Variants in EMB observed in about 807,000 individuals in gnomAD.
EMB encodes embigin homolog.
In EMB, 31 loss-of-function variants were observed where a neutral mutation model predicts 41.4. The observed-to-expected ratio is 0.75, with a 90% confidence interval of 0.56 to 1.01. The LOEUF (loss-of-function observed/expected upper bound fraction) is 1.01, where lower values mean the gene tolerates loss of function less well. Among genes scored for constraint, EMB ranks in the 50% least tolerant of loss-of-function variants. EMB has a pLI of 0.00. For synonymous variants in EMB, 137 were observed against 140.4 expected, an observed-to-expected ratio of 0.98 and a Z score of 0.17; for missense variants, 379 against 388.3, an observed-to-expected ratio of 0.98 and a Z score of 0.20.
At chr5:50,428,698 C>T (rs955362462) in intron 1 of EMB, 13 of 984,962 alleles carry the variant, frequency 1.3e-5, no homozygotes, top group African/African-American at 1.2e-4. Context: ...AAATGGCTGA[C>T]GGGCCAGTTT....
rs534913167 is a variant in EMB at position 50,418,601 on chromosome 5, C to T, written c.197-7218G>A. On this transcript the variant is annotated intron_variant, in intron 2 of 8. Coordinates refer to ENST00000303221, the MANE Select transcript of EMB (RefSeq NM_198449.3). ...ACTCACTCATTTAACACTTATTTACCGAACACCTACCATGTGCTTTTCATT... is the reference window on the plus strand; with the variant it reads ...ACTCACTCATTTAACACTTATTTACTGAACACCTACCATGTGCTTTTCATT... Among the ~76,000 whole-genome samples, 236 of 152,238 alleles carry T rather than the reference C, an allele frequency of 1.6e-3. 2 individuals are homozygous for T. The highest frequency in any genetic ancestry group is 6.8e-3 in the East Asian group (35 of 5,184).
chr5:50,425,011 C>T (rs1219041232), intron 2 of EMB, among the ~76,000 whole-genome samples: 1 of 152,172 alleles, frequency 6.6e-6, no homozygotes, highest in Non-Finnish European at 1.5e-5. Flanking sequence ...TGTGCATCAA[C>T]AGTCTACATA....
Position 50,438,880 on chromosome 5 carries a change from T to C in EMB, c.112+2160A>G, listed in dbSNP as rs543428301. ...TCTTATTGATTTACACCTTCATTTA[T>C]TCCACTTTCATTTGTTTCCTACCTT... On this transcript the variant is annotated intron_variant, in intron 1 of 8. Coordinates refer to ENST00000303221, the MANE Select transcript of EMB (RefSeq NM_198449.3). Among the ~76,000 whole-genome samples the C allele has an allele frequency of 1.2e-4, 19 of 152,128 alleles. No individual in the cohort carries two copies. The East Asian group carries it at 3.7e-3, about 29-fold the overall frequency.
chr5:50,421,603 T>G (rs1745524668), intron 2 of EMB, among the ~76,000 whole-genome samples: 1 of 152,102 alleles, frequency 6.6e-6, no homozygotes. Context: ...CACGTATGTT[T>G]ATTGTGGCAC....
At position 50,398,696 on chromosome 5, in the gene EMB, A is replaced by G. The variant is rs780330836; in HGVS notation, c.*577T>C. The stretch of plus-strand genomic sequence containing the variant: ...TTTTATTTATTTGCCTTAAACCAAT[A>G]TTTCCGGATAAAAGGTATATTTTTC... On this transcript the variant is annotated 3_prime_UTR_variant, in exon 9 of 9. Coordinates refer to ENST00000303221, the MANE Select transcript of EMB (RefSeq NM_198449.3). 1 of 152,038 alleles carries G rather than the reference A, an allele frequency of 6.6e-6. No individual in the cohort carries two copies. The highest frequency in any genetic ancestry group is 1.5e-5 in the Non-Finnish European group (1 of 67,970). 9.4% of individuals were successfully genotyped at this position (152,038 alleles called of 1,614,324 possible).
chr5:50,407,650 T>C (rs969426038), intron 4 of EMB, among the ~76,000 whole-genome samples: 3 of 152,052 alleles, frequency 2.0e-5, no homozygotes, highest in Non-Finnish European at 4.4e-5. Flanking sequence ...TCAGGGAACA[T>C]GACATTTGTT....
intron 1 of EMB, among the ~76,000 whole-genome samples, chr5:50,429,198 A>G (rs962330716): frequency 1.3e-5 from 2 of 152,186 alleles, no homozygotes; most frequent in African/African-American, 4.8e-5. Flanking sequence ...CTGGCCAACA[A>G]CATGGCCTAC....
At chr5:50,442,774 C>G (rs1447684798), upstream of EMB, among the ~76,000 whole-genome samples, 3 of 152,170 alleles carry the variant, frequency 2.0e-5, no homozygotes, top group Non-Finnish European at 2.9e-5. Context: ...GGACTAACTG[C>G]ACACATTTCC....
intron 2 of EMB, among the ~76,000 whole-genome samples, chr5:50,417,980 T>C (rs569540227): frequency 2.6e-5 from 4 of 152,198 alleles, no homozygotes; most frequent in Non-Finnish European, 5.9e-5. Context: ...GTAACAGAAA[T>C]TAAGGCATGT....
At chr5:50,412,990 C>G in intron 2 of EMB, among the ~76,000 whole-genome samples, 1 of 150,344 alleles carries the variant, frequency 6.7e-6, no homozygotes, top group East Asian at 2.0e-4. Context: ...CTCTACTTGT[C>G]TTTTCTTTCT....
At chr5:50,439,911 C>A (rs1222909729) in intron 1 of EMB, among the ~76,000 whole-genome samples, 1 of 152,106 alleles carries the variant, frequency 6.6e-6, no homozygotes, top group Non-Finnish European at 1.5e-5. Flanking sequence ...TTTTATTACC[C>A]TTACTGGCTG....
intron 7 of EMB, among the ~76,000 whole-genome samples, chr5:50,401,278 C>A (rs1745157937): frequency 6.6e-6 from 1 of 151,888 alleles, no homozygotes; most frequent in Non-Finnish European, 1.5e-5. Context: ...ATTTTAGCAG[C>A]CTATGTGAAT....
chr5:50,405,511 TAA>T (rs373906929), intron 5 of EMB, among the ~76,000 whole-genome samples: 211 of 152,084 alleles, frequency 1.4e-3, no homozygotes, highest in African/African-American at 4.7e-3. Context: ...AATGAAACGT[TAA>T]GAGTATCTTC....
intron 2 of EMB, 124 bp downstream of exon 2, chr5:50,428,020 G>GT: frequency 1.5e-6 from 1 of 646,218 alleles, no homozygotes. Context: ...CTACTGGTAT[G>GT]TTTTCCCACC....
chr5:50,442,562 A>G (rs138604086), upstream of EMB, among the ~76,000 whole-genome samples: 245 of 152,266 alleles, frequency 1.6e-3, no homozygotes, highest in African/African-American at 5.5e-3. Context: ...GTGAATGACA[A>G]ATCTCAGAAA....
Position 50,441,031 on chromosome 5 carries a change from C to G in EMB, c.112+9G>C. On this transcript the variant is annotated intron_variant, in intron 1 of 8. Transcript: ENST00000303221. ...GCCCTCCCTACCCTGGACCCTGTAC[C>G]CATCACACCTGGGGCACTGCCGTCC... The G allele has an allele frequency of 2.0e-6, 3 of 1,480,028 alleles. No homozygotes were observed. The African/African-American group carries it at 4.4e-5, about 21-fold the overall frequency. The allele number at this position is 1,480,028 out of a possible 1,614,324, so 91.7% of individuals were successfully genotyped here. A position where few individuals can be genotyped will look rare whatever the true frequency, so the allele number is the denominator to read the frequency against.
chr5:50,424,706 A>G (rs1240534459), intron 2 of EMB, among the ~76,000 whole-genome samples: 2 of 152,134 alleles, frequency 1.3e-5, no homozygotes, highest in Non-Finnish European at 2.9e-5. Context: ...ATGTTTGACA[A>G]TATCTGGAGA....
rs1401261489 is a variant in EMB, at chr5:50,396,928, T to C, written c.*2345A>G. The C allele has an allele frequency of 2.6e-5, 4 of 151,972 alleles. No homozygotes were observed. Among genetic ancestry groups the C allele is most frequent in the Admixed American group, 6.6e-5 (1 of 15,240 alleles). 9.4% of individuals were successfully genotyped at this position (151,972 alleles called of 1,614,324 possible). ...CAGAAGAAGAAAATATCAGAATGAG[T>C]TCTAAATTAGGGCCTGAGCAGCTAG... On this transcript the variant is annotated 3_prime_UTR_variant, in exon 9 of 9. Transcript: ENST00000303221.
chr5:50,434,256 C>T (rs1332347014), intron 1 of EMB, among the ~76,000 whole-genome samples: 2 of 152,158 alleles, frequency 1.3e-5, no homozygotes, highest in South Asian at 4.1e-4. Flanking sequence ...GCGGAAAATG[C>T]CAACAGTACC....
Sources: allele counts gnomAD v4.1 joint callset (sites outside exome capture counted in the v4.1 genomes callset), GRCh38; gene constraint gnomAD v4.1.1; transcripts MANE v1.5; gene names NCBI Gene and HGNC (gene_info 2026-07-23, HGNC 2026-07-21).